Variants in LURAP1 observed in about 807,000 individuals in gnomAD.
LURAP1 encodes NF-kappa-B activator C1orf190.
LURAP1 carries 14 observed loss-of-function variants against 19.0 expected under a neutral mutation model. The ratio of observed to expected loss-of-function variants is 0.74; its 90% CI spans 0.49 to 1.15. The LOEUF is 1.15. Ranked by LOEUF, LURAP1 falls within the 50% of genes most tolerant of loss-of-function variation. The pLI is 0.00. For missense variants in LURAP1, 273 were observed against 309.1 expected (o/e 0.88, Z 0.87); for synonymous variants, 129 against 131.8 (o/e 0.98, Z 0.14).
intron 1 of LURAP1, among the ~76,000 whole-genome samples, chr1:46,212,191 C>T (rs1289564164): frequency 4.6e-5 from 7 of 152,124 alleles, no homozygotes; most frequent in Non-Finnish European, 1.0e-4. Context: ...GTGTGACCTG[C>T]GGGATCTGAC....
Position 46,203,387 on chromosome 1 carries a change from C to A in LURAP1, c.-40C>A. The A allele has an allele frequency of 7.0e-7, 1 of 1,432,740 alleles. No individual in the cohort carries two copies. Among genetic ancestry groups the A allele is most frequent in the Non-Finnish European group, 9.2e-7 (1 of 1,089,232 alleles). 88.8% of individuals were successfully genotyped at this position (1,432,740 alleles called of 1,614,324 possible). On this transcript the variant is annotated 5_prime_UTR_variant, in exon 1 of 2. Transcript: ENST00000371980. ...GGGAGGACCCCCGGGAGCCGGTCCC[C>A]GGCGTCCGGTCGCCCAGCCCTTTTC...
intron 1 of LURAP1, among the ~76,000 whole-genome samples, chr1:46,209,801 A>G (rs1212252130): frequency 6.6e-6 from 1 of 152,014 alleles, no homozygotes; most frequent in Non-Finnish European, 1.5e-5. Context: ...ATGAGCCACC[A>G]TGCACGGCTG....
chr1:46,208,571 G>A (rs889705765), intron 1 of LURAP1, among the ~76,000 whole-genome samples: 6 of 152,144 alleles, frequency 3.9e-5, no homozygotes, highest in African/African-American at 1.2e-4. Flanking sequence ...GGGCCGGCAC[G>A]GTGGCTCATG....
chr1:46,203,379 C>G lies in LURAP1; in HGVS notation c.-48C>G. 1 of 1,428,166 alleles carries G rather than the reference C, an allele frequency of 7.0e-7. No homozygotes were observed. 88.5% of individuals were successfully genotyped at this position (1,428,166 alleles called of 1,614,324 possible). A position where few individuals can be genotyped will look rare whatever the true frequency, so the allele number is the denominator to read the frequency against. The stretch of plus-strand genomic sequence containing the variant: ...GCGGCGAAGGGAGGACCCCCGGGAG[C>G]CGGTCCCCGGCGTCCGGTCGCCCAG... On this transcript the variant is annotated 5_prime_UTR_variant, in exon 1 of 2. Transcript: ENST00000371980.
At chr1:46,212,618 C>A (rs1025447293) in intron 1 of LURAP1, among the ~76,000 whole-genome samples, 1 of 151,826 alleles carries the variant, frequency 6.6e-6, no homozygotes, top group African/African-American at 2.4e-5. Context: ...GCTCTGTCAC[C>A]CAAGCTATAG....
chr1:46,204,678 C>T (rs781363911), intron 1 of LURAP1, among the ~76,000 whole-genome samples: 1 of 152,148 alleles, frequency 6.6e-6, no homozygotes, highest in Non-Finnish European at 1.5e-5. Flanking sequence ...AGGAAAGGCC[C>T]CCTGGGAGAA....
At chr1:46,215,716 T>C (rs906914632) in intron 1 of LURAP1, among the ~76,000 whole-genome samples, 1 of 152,036 alleles carries the variant, frequency 6.6e-6, no homozygotes, top group Non-Finnish European at 1.5e-5. Context: ...CTGGGCAACA[T>C]AGTGAGACCC....
chr1:46,206,337 T>A (rs1658713939), intron 1 of LURAP1, among the ~76,000 whole-genome samples: 2 of 152,128 alleles, frequency 1.3e-5, no homozygotes, highest in South Asian at 4.2e-4. Flanking sequence ...AGTAACAATA[T>A]TCTGATAGTC....
rs370177785 is a variant in LURAP1 at position 46,210,061 on chromosome 1, G to T, written c.198+6437G>T. On this transcript the variant is annotated intron_variant, in intron 1 of 1. Coordinates refer to ENST00000371980, the MANE Select transcript of LURAP1 (RefSeq NM_001013615.3). Reference sequence around the variant, plus strand: ...ACAGTCTGATATTGCAGTTATTTATGTTCATCTCCCCTTATTGAGACTGCA... The same window carrying T: ...ACAGTCTGATATTGCAGTTATTTATTTTCATCTCCCCTTATTGAGACTGCA... Among the ~76,000 whole-genome samples, 84 of 152,214 alleles carry T rather than the reference G, an allele frequency of 5.5e-4. 2 individuals are homozygous for T. The South Asian group carries it at 0.016, about 29-fold the overall frequency.
intron 1 of LURAP1, among the ~76,000 whole-genome samples, chr1:46,218,188 T>C (rs2148254018): frequency 6.6e-6 from 1 of 152,270 alleles, no homozygotes; most frequent in East Asian, 1.9e-4. Flanking sequence ...GCCTAGGAGT[T>C]TGAGACCAAC....
chr1:46,215,242 A>G (rs1386909813), intron 1 of LURAP1, among the ~76,000 whole-genome samples: 7 of 151,696 alleles, frequency 4.6e-5, no homozygotes, highest in South Asian at 2.1e-4. Flanking sequence ...AAAAAAAAAA[A>G]AGAGATGCAA....
chr1:46,217,209 A>G (rs1659096353), intron 1 of LURAP1, among the ~76,000 whole-genome samples: 1 of 152,202 alleles, frequency 6.6e-6, no homozygotes, highest in Non-Finnish European at 1.5e-5. Context: ...TTGTGCAGCA[A>G]GGACAGATGG....
chr1:46,212,724 G>C (rs1658941389), intron 1 of LURAP1, among the ~76,000 whole-genome samples: 1 of 152,106 alleles, frequency 6.6e-6, no homozygotes, highest in South Asian at 2.1e-4. Flanking sequence ...TTACAGGCAA[G>C]AGCCACCATG....
intron 1 of LURAP1, among the ~76,000 whole-genome samples, chr1:46,205,007 C>T (rs1018391467): frequency 3.3e-5 from 5 of 152,058 alleles, no homozygotes; most frequent in African/African-American, 9.7e-5. Flanking sequence ...CCTGTAATCC[C>T]AGCACTTTGG....
rs190679183 is a variant in LURAP1 at position 46,205,038 on chromosome 1, G to A, written c.198+1414G>A. ...TTTGGGAGGCCGAGGCAGGCAGATC[G>A]CTTGAGCCCAGGAGTTTGAGACCAG... On this transcript the variant is annotated intron_variant, in intron 1 of 1. Coordinates refer to ENST00000371980, the MANE Select transcript of LURAP1 (RefSeq NM_001013615.3). Among the ~76,000 whole-genome samples, 848 of 152,200 alleles carry A rather than the reference G, an allele frequency of 5.6e-3. 5 individuals are homozygous for A. The highest frequency in any genetic ancestry group is 0.018 in the African/African-American group (760 of 41,536).
chr1:46,212,173 CT>C (rs1470639784), intron 1 of LURAP1, among the ~76,000 whole-genome samples: 4 of 152,200 alleles, frequency 2.6e-5, no homozygotes, highest in Non-Finnish European at 4.4e-5. Context: ...AAAACATTTA[CT>C]GTGTTTGTGT....
intron 1 of LURAP1, among the ~76,000 whole-genome samples, chr1:46,208,514 A>G (rs566652246): frequency 2.6e-5 from 4 of 152,194 alleles, no homozygotes; most frequent in Admixed American, 1.3e-4. Flanking sequence ...TGGGGCTTGA[A>G]GAATGAATAA....
intron 1 of LURAP1, among the ~76,000 whole-genome samples, chr1:46,216,703 A>C (rs1221736975): frequency 2.0e-5 from 3 of 152,122 alleles, no homozygotes; most frequent in Non-Finnish European, 2.9e-5. Flanking sequence ...GGTATATCAC[A>C]TGATTCTGAG....
At chr1:46,211,809 A>G (rs890374862) in intron 1 of LURAP1, among the ~76,000 whole-genome samples, 3 of 151,922 alleles carry the variant, frequency 2.0e-5, no homozygotes, top group African/African-American at 7.3e-5. Context: ...CTGTTGCCCA[A>G]GCTGGAGTGC....
Sources: allele counts gnomAD v4.1 joint callset (sites outside exome capture counted in the v4.1 genomes callset), GRCh38; gene constraint gnomAD v4.1.1; transcripts MANE v1.5; gene names NCBI Gene and HGNC (gene_info 2026-07-23, HGNC 2026-07-21).